Variants in WDR70 observed in about 807,000 individuals in gnomAD.
The protein encoded by WDR70 is WD repeat-containing protein 70.
WDR70 carries 53 observed loss-of-function variants against 88.6 expected under a neutral mutation model. The ratio of observed to expected loss-of-function variants is 0.60; its 90% CI spans 0.48 to 0.75. WDR70 has a LOEUF of 0.75. Ranked by LOEUF, WDR70 falls within the 30% of genes least tolerant of loss-of-function variation. The pLI is 0.00. For missense variants in WDR70, 610 were observed against 823.2 expected, an observed-to-expected ratio of 0.74 and a Z score of 3.17; for synonymous variants, 280 against 270.0, an observed-to-expected ratio of 1.04 and a Z score of -0.36.
At chr5:37,684,538 C>T (rs1489093894) in intron 10 of WDR70, among the ~76,000 whole-genome samples, 1 of 152,220 alleles carries the variant, frequency 6.6e-6, no homozygotes, top group Non-Finnish European at 1.5e-5. Flanking sequence ...CAACTAGCTT[C>T]ATTTCTGGAA....
chr5:37,535,035 T>G (rs1349457120), intron 9 of WDR70, among the ~76,000 whole-genome samples: 1 of 152,186 alleles, frequency 6.6e-6, no homozygotes. Context: ...TCTAAGTTTC[T>G]GCCTTCATAG....
intron 5 of WDR70, among the ~76,000 whole-genome samples, chr5:37,415,516 C>T (rs1470013650): frequency 3.5e-5 from 3 of 84,850 alleles, no homozygotes; most frequent in African/African-American, 1.0e-4. Context: ...GGGCCTGACC[C>T]CCCCACCTCA....
intron 10 of WDR70, among the ~76,000 whole-genome samples, chr5:37,679,920 A>T (rs1400789067): frequency 2.6e-5 from 4 of 152,246 alleles, no homozygotes; most frequent in Admixed American, 1.3e-4. Flanking sequence ...TTGTTTACCT[A>T]AGCAAGCCTG....
At chr5:37,632,056 A>T (rs556370158) in intron 10 of WDR70, among the ~76,000 whole-genome samples, 4 of 152,312 alleles carry the variant, frequency 2.6e-5, no homozygotes, top group African/African-American at 9.6e-5. Context: ...ACCACCTAAC[A>T]TTTCAGTTAA....
At chr5:37,724,898 G>C in intron 15 of WDR70, 36 bp from the exon 16 acceptor site, 1 of 1,578,434 alleles carries the variant, frequency 6.3e-7, no homozygotes, top group South Asian at 1.1e-5. Flanking sequence ...GAAGGTTATT[G>C]TTATAATGAA....
intron 9 of WDR70, 127 bp downstream of exon 9, chr5:37,516,717 A>T: frequency 6.3e-6 from 1 of 159,450 alleles, no homozygotes; most frequent in Non-Finnish European, 1.1e-5. Flanking sequence ...ATATACATAT[A>T]TATATATATT....
At chr5:37,650,911 C>T (rs1005667689) in intron 10 of WDR70, among the ~76,000 whole-genome samples, 3 of 151,942 alleles carry the variant, frequency 2.0e-5, no homozygotes, top group Non-Finnish European at 4.4e-5. Flanking sequence ...TGAAATGCAA[C>T]ATTTCCTTCA....
chr5:37,442,033 ATTTTTTT>A (rs545329551), intron 6 of WDR70, among the ~76,000 whole-genome samples: 4 of 116,540 alleles, frequency 3.4e-5, no homozygotes, highest in Admixed American at 9.1e-5. Flanking sequence ...AGGGAAAGCA[ATTTTTTT>A]TTTTTTTTTT....
At chr5:37,751,995 AT>A (rs1481960716) in intron 17 of WDR70, among the ~76,000 whole-genome samples, 2 of 152,220 alleles carry the variant, frequency 1.3e-5, no homozygotes, top group Admixed American at 6.5e-5. Flanking sequence ...GCTCAAATTC[AT>A]TAGATAAGAA....
chr5:37,676,337 T>C lies in WDR70; in HGVS notation c.1093-21318T>C, dbSNP rs1746206654. 3.3e-5 allele frequency among the ~76,000 whole-genome samples: 5 copies of C among 152,158 alleles called. No individual in the cohort carries two copies. The South Asian group carries it at 1.0e-3, about 32-fold the overall frequency. ...CAGTTTTCAAAGGGAATGCTTCCAG[T>C]TTTTGTCCATTCAGGATGATATTGG... On this transcript the variant is annotated intron_variant, in intron 10 of 17. Coordinates refer to ENST00000265107, the MANE Select transcript of WDR70 (RefSeq NM_018034.4).
intron 10 of WDR70, among the ~76,000 whole-genome samples, chr5:37,608,429 C>T (rs936845894): frequency 6.6e-6 from 1 of 152,126 alleles, no homozygotes; most frequent in Non-Finnish European, 1.5e-5. Context: ...TCAGCAAGAC[C>T]TTCCCTGACC....
chr5:37,703,321 G>GACAAA (rs1561081251), intron 13 of WDR70, among the ~76,000 whole-genome samples: 1 of 152,092 alleles, frequency 6.6e-6, no homozygotes, highest in African/African-American at 2.4e-5. Flanking sequence ...TTTCAGCTGG[G>GACAAA]TTTCCCTCTC....
intron 10 of WDR70, among the ~76,000 whole-genome samples, chr5:37,655,391 A>G (rs563320664): frequency 3.3e-5 from 5 of 152,164 alleles, no homozygotes; most frequent in Non-Finnish European, 2.9e-5. Context: ...CTTCATTTCA[A>G]CCTTGGTGAA....
At chr5:37,572,027 A>C (rs1334354292) in intron 9 of WDR70, among the ~76,000 whole-genome samples, 1 of 152,184 alleles carries the variant, frequency 6.6e-6, no homozygotes, top group Non-Finnish European at 1.5e-5. Context: ...TGAAGGCCAG[A>C]AGGAGAAGCC....
intron 7 of WDR70, among the ~76,000 whole-genome samples, chr5:37,479,296 A>C (rs1739581057): frequency 6.6e-6 from 1 of 151,724 alleles, no homozygotes; most frequent in Non-Finnish European, 1.5e-5. Context: ...GAGAGTTTTA[A>C]TAGATTGCAG....
In WDR70 at chr5:37,712,020, T is replaced by C. The variant is rs1265757318; in HGVS notation, c.1416+8933T>C. On this transcript the variant is annotated intron_variant, in intron 13 of 17. Coordinates refer to ENST00000265107, the MANE Select transcript of WDR70 (RefSeq NM_018034.4). ...TTTTTTTTTTTTTCTTGAGACGGAG[T>C]CTCACTCGGTCACACAGGCTGGAGT... Among the ~76,000 whole-genome samples the C allele has an allele frequency of 3.5e-5, 5 of 143,382 alleles. No homozygotes were observed. In the Admixed American group the frequency reaches 3.7e-4, roughly 11 times the overall value. The allele number at this position is 143,382 out of a possible 152,430, so 94.1% of individuals were successfully genotyped here. A position where few individuals can be genotyped will look rare whatever the true frequency, so the allele number is the denominator to read the frequency against.
In WDR70 at chr5:37,480,076, A is replaced by G; in HGVS notation, c.840+89A>G. 2.0e-6 allele frequency: 3 copies of G among 1,471,398 alleles called. No individual in the cohort carries two copies. In the South Asian group the frequency reaches 4.0e-5, roughly 20 times the overall value. 91.1% of individuals were successfully genotyped at this position (1,471,398 alleles called of 1,614,324 possible). Reference sequence around the variant, plus strand: ...GTTATCATGTAATAATTTTCCCCAAAAGTTAGTGTCATAAAACAATAGCAA... The same window carrying G: ...GTTATCATGTAATAATTTTCCCCAAGAGTTAGTGTCATAAAACAATAGCAA... On this transcript the variant is annotated intron_variant, in intron 8 of 17. Coordinates refer to ENST00000265107, the MANE Select transcript of WDR70 (RefSeq NM_018034.4).
intron 10 of WDR70, among the ~76,000 whole-genome samples, chr5:37,649,072 T>C (rs1319884837): frequency 1.3e-5 from 2 of 152,034 alleles, no homozygotes; most frequent in Non-Finnish European, 2.9e-5. Context: ...CAAACCAAAA[T>C]AAGATATTAA....
At chr5:37,596,904 A>AT (rs1042739886) in intron 9 of WDR70, among the ~76,000 whole-genome samples, 1 of 152,054 alleles carries the variant, frequency 6.6e-6, no homozygotes, top group African/African-American at 2.4e-5. Context: ...CTGTTGGCCT[A>AT]TTTTTTATCC....
Sources: gnomAD v4.1 joint callset for allele counts (sites outside exome capture counted in the v4.1 genomes callset) on GRCh38, gnomAD v4.1.1 for gene constraint, MANE v1.5 for transcripts, NCBI Gene and HGNC (gene_info 2026-07-23, HGNC 2026-07-21) for gene names.